The following MME variants were observed in gnomAD, a reference collection of about 807,000 sequenced individuals.
The protein encoded by MME is neprilysin.
MME carries 98 observed loss-of-function variants against 113.2 expected under a neutral mutation model. The observed-to-expected ratio is 0.87, with a 90% CI of 0.74 to 1.02. The LOEUF (loss-of-function observed/expected upper bound fraction) is 1.02, where lower values mean the gene tolerates loss of function less well. MME is among the 50% of genes least tolerant of loss of function. The probability of loss-of-function intolerance (pLI) is 0.00; values close to 1 mark genes in which losing one functional copy is unlikely to be tolerated. For missense variants in MME, 836 were observed against 896.0 expected (o/e 0.93, Z 0.86); for synonymous variants, 292 against 300.6 (o/e 0.97, Z 0.30).
chr3:155,161,126 AT>A (rs937793154), intron 17 of MME, among the ~76,000 whole-genome samples: 25 of 152,198 alleles, frequency 1.6e-4, no homozygotes, highest in African/African-American at 4.8e-4. Context: ...TGACAAAAAT[AT>A]TTTCTTCTTC....
At chr3:155,064,534 G>A (rs1358009738) in intron 1 of MME, among the ~76,000 whole-genome samples, 1 of 152,136 alleles carries the variant, frequency 6.6e-6, no homozygotes. Flanking sequence ...CACTGTTTGT[G>A]TGTATGTTAT....
At chr3:155,070,324 C>T (rs985065851) in intron 1 of MME, among the ~76,000 whole-genome samples, 4 of 152,092 alleles carry the variant, frequency 2.6e-5, no homozygotes, top group Admixed American at 6.5e-5. Context: ...AGGAGCAGTT[C>T]GTTTCTTTAG....
At chr3:155,159,716 A>C (rs1404716972) in intron 16 of MME, among the ~76,000 whole-genome samples, 2 of 152,010 alleles carry the variant, frequency 1.3e-5, no homozygotes, top group Admixed American at 6.6e-5. Flanking sequence ...TGTATTTTAT[A>C]AAATCTCTGG....
chr3:155,182,633 C>T lies in MME; in HGVS notation c.*2174C>T, dbSNP rs1174511987. On this transcript the variant is annotated 3_prime_UTR_variant, in exon 23 of 23. Transcript: ENST00000360490. The stretch of plus-strand genomic sequence containing the variant: ...CAGCTGTCTCTAACTTATTTTATTT[C>T]CATCATGTCAGAGCAGGTGAAGAGC... The T allele has an allele frequency of 2.0e-5, 3 of 152,174 alleles. No homozygotes were observed. Among genetic ancestry groups the T allele is most frequent in the Admixed American group, 2.0e-4 (3 of 15,262 alleles). The allele number at this position is 152,174 out of a possible 1,614,324, so 9.4% of individuals were successfully genotyped here.
At chr3:155,168,165 A>C (rs1711530792) in intron 18 of MME, among the ~76,000 whole-genome samples, 2 of 152,226 alleles carry the variant, frequency 1.3e-5, no homozygotes, top group African/African-American at 4.8e-5. Context: ...TCAAAATATC[A>C]AACTAAACAG....
chr3:155,094,392 T>A (rs1397996988), intron 3 of MME, among the ~76,000 whole-genome samples: 2 of 152,232 alleles, frequency 1.3e-5, no homozygotes, highest in Non-Finnish European at 1.5e-5. Flanking sequence ...CTATTTCATG[T>A]TACACGCCCT....
chr3:155,064,493 C>G (rs551883393), intron 1 of MME, among the ~76,000 whole-genome samples: 4 of 152,214 alleles, frequency 2.6e-5, no homozygotes, highest in South Asian at 2.1e-4. Flanking sequence ...GAGGCATATA[C>G]GAAATGTGTG....
rs1296336695 is a variant in MME at position 155,180,543 on chromosome 3, C to T, written c.*84C>T. 9.7e-7 allele frequency: 1 copy of T among 1,030,224 alleles called. No homozygotes were observed. Among genetic ancestry groups the T allele is most frequent in the Non-Finnish European group, 1.5e-6 (1 of 650,012 alleles). 63.8% of individuals were successfully genotyped at this position (1,030,224 alleles called of 1,614,324 possible). ...ATTCTCTAATCGAAAGAAAATGGGC[C>T]CTAGGGGTCACTGTACTGACTTGAG... is the stretch of plus-strand genomic sequence containing the variant. On this transcript the variant is annotated 3_prime_UTR_variant, in exon 23 of 23. Coordinates refer to ENST00000360490, the MANE Select transcript of MME (RefSeq NM_007289.4).
intron 8 of MME, among the ~76,000 whole-genome samples, chr3:155,124,576 A>ATGC (rs1719438175): frequency 6.6e-6 from 1 of 152,028 alleles, no homozygotes; most frequent in Admixed American, 6.6e-5. Context: ...TTTGATGATG[A>ATGC]TGATGTACAG....
At chr3:155,178,882 G>T (rs1228621028) in intron 22 of MME, among the ~76,000 whole-genome samples, 1 of 152,164 alleles carries the variant, frequency 6.6e-6, no homozygotes, top group East Asian at 1.9e-4. Context: ...CCCCACATAT[G>T]TTCAGCCGCA....
In MME at chr3:155,033,726, C is replaced by T. The variant is rs183400639; in HGVS notation, c.-11+9402C>T. Among the ~76,000 whole-genome samples the T allele has an allele frequency of 1.1e-4, 17 of 152,078 alleles. 1 individual carries two copies. The South Asian group carries it at 1.9e-3, about 17-fold the overall frequency. ...TTAAACAAATAAGAAAATGCATCCA[C>T]CAAGCAATTGAGGGCATGTCAAAAG... is the stretch of plus-strand genomic sequence containing the variant. On this transcript the variant is annotated intron_variant, in intron 1 of 22. Transcript: ENST00000492661.
chr3:155,143,288 G>A (rs1721258746), intron 12 of MME, among the ~76,000 whole-genome samples, 155 bp from the exon 13 acceptor site: 1 of 152,136 alleles, frequency 6.6e-6, no homozygotes, highest in Non-Finnish European at 1.5e-5. Flanking sequence ...AATCCATTTG[G>A]ATTACATTTC....
intron 20 of MME, among the ~76,000 whole-genome samples, chr3:155,171,842 T>G (rs1482518035): frequency 1.3e-5 from 2 of 152,226 alleles, no homozygotes; most frequent in African/African-American, 4.8e-5. Flanking sequence ...CTTATTTAGG[T>G]CATCCATTCA....
intron 1 of MME, among the ~76,000 whole-genome samples, chr3:155,039,000 T>A (rs1421420718): frequency 1.3e-5 from 2 of 152,202 alleles, no homozygotes; most frequent in Admixed American, 1.3e-4. Flanking sequence ...AAGAACCTCA[T>A]TGTATGGCAA....
chr3:155,075,137 A>G (rs1714704110), upstream of MME, among the ~76,000 whole-genome samples: 1 of 151,960 alleles, frequency 6.6e-6, no homozygotes, highest in African/African-American at 2.4e-5. Context: ...AATTTATGAT[A>G]CTAGATGTAA....
intron 20 of MME, among the ~76,000 whole-genome samples, chr3:155,169,262 T>C (rs942981951): frequency 2.6e-5 from 4 of 152,152 alleles, no homozygotes; most frequent in African/African-American, 9.7e-5. Context: ...CCATAGTTCA[T>C]ATATGATACA....
chr3:155,145,830 C>T (rs941737929), intron 14 of MME, among the ~76,000 whole-genome samples: 4 of 152,078 alleles, frequency 2.6e-5, no homozygotes, highest in African/African-American at 9.7e-5. Flanking sequence ...AAATGTCTTA[C>T]AGTAAATAAA....
intron 16 of MME, among the ~76,000 whole-genome samples, chr3:155,157,621 T>A (rs978535469): frequency 2.0e-5 from 3 of 152,184 alleles, no homozygotes; most frequent in Non-Finnish European, 4.4e-5. Flanking sequence ...ATATTAGACA[T>A]TCAGTCTATA....
intron 15 of MME, 146 bp downstream of exon 15, chr3:155,147,370 T>C (rs576316300): frequency 3.0e-6 from 2 of 659,170 alleles, no homozygotes; most frequent in South Asian, 3.4e-5. Context: ...GGTGCCAGAA[T>C]GATATTTGTT....
Sources: gnomAD v4.1 joint callset for allele counts (sites outside exome capture counted in the v4.1 genomes callset) on GRCh38, gnomAD v4.1.1 for gene constraint, MANE v1.5 for transcripts, NCBI Gene and HGNC (gene_info 2026-07-23, HGNC 2026-07-21) for gene names.